The following GNAQ variants were observed in gnomAD, a reference collection of about 807,000 sequenced individuals.
The protein encoded by GNAQ is guanine nucleotide-binding protein G(q) subunit alpha.
A neutral mutation model predicts 43.9 loss-of-function variants in GNAQ; 8 were observed. That is an observed-to-expected ratio of 0.18 (90% CI 0.11 to 0.33). The LOEUF (loss-of-function observed/expected upper bound fraction) is 0.33, where lower values mean the gene tolerates loss of function less well. GNAQ is among the 10% of genes least tolerant of loss of function. GNAQ has a pLI of 1.00. For synonymous variants in GNAQ, 155 were observed against 170.7 expected (o/e 0.91, Z 0.71); for missense variants, 158 against 450.8 (o/e 0.35, Z 5.88).
At chr9:78,021,852 T>C (rs1269818050) in intron 1 of GNAQ, among the ~76,000 whole-genome samples, 2 of 152,246 alleles carry the variant, frequency 1.3e-5, no homozygotes, top group Non-Finnish European at 2.9e-5. Flanking sequence ...TGCTTGAGGA[T>C]ACGGAAGAAA....
chr9:77,963,311 T>TAACAGTAGA (rs1294662113), intron 1 of GNAQ, among the ~76,000 whole-genome samples: 1 of 152,106 alleles, frequency 6.6e-6, no homozygotes, highest in Non-Finnish European at 1.5e-5. Flanking sequence ...CACTGACAAT[T>TAACAGTAGA]AACAGTAGAA....
chr9:78,017,681 G>C (rs1823855915), intron 1 of GNAQ, among the ~76,000 whole-genome samples: 1 of 152,114 alleles, frequency 6.6e-6, no homozygotes, highest in Non-Finnish European at 1.5e-5. Context: ...GTTTTGGCTT[G>C]ATAGTAATTA....
At chr9:77,929,096 T>C (rs572546270) in intron 1 of GNAQ, among the ~76,000 whole-genome samples, 1 of 152,316 alleles carries the variant, frequency 6.6e-6, no homozygotes, top group South Asian at 2.1e-4. Context: ...CTAGCATCAG[T>C]ATAATTTGGA....
chr9:77,747,106 A>T (rs1343335399), intron 5 of GNAQ, among the ~76,000 whole-genome samples: 2 of 152,152 alleles, frequency 1.3e-5, no homozygotes, highest in African/African-American at 4.8e-5. Flanking sequence ...AAAATGGGGG[A>T]GGTAGAGTGG....
intron 2 of GNAQ, among the ~76,000 whole-genome samples, chr9:77,916,295 T>C (rs1828903184): frequency 6.6e-6 from 1 of 152,254 alleles, no homozygotes; most frequent in African/African-American, 2.4e-5. Flanking sequence ...ATTCTGCCTC[T>C]ATTATGTATT....
chr9:77,842,259 A>T (rs994170789), intron 2 of GNAQ, among the ~76,000 whole-genome samples: 11 of 152,204 alleles, frequency 7.2e-5, no homozygotes, highest in Admixed American at 7.2e-4. Context: ...TGGCATGGAA[A>T]CTACCACTTG....
chr9:77,817,615 T>C (rs529021289), intron 2 of GNAQ, among the ~76,000 whole-genome samples: 1 of 152,322 alleles, frequency 6.6e-6, no homozygotes, highest in African/African-American at 2.4e-5. Flanking sequence ...CATCTAGCCA[T>C]AAGCTGTATG....
chr9:77,864,491 T>C (rs1587372786), intron 2 of GNAQ, among the ~76,000 whole-genome samples: 1 of 152,144 alleles, frequency 6.6e-6, no homozygotes, highest in Admixed American at 6.5e-5. Context: ...TAATCACAAG[T>C]GTCCTTAAAG....
At chr9:77,822,117 A>C (rs1827127183) in intron 2 of GNAQ, among the ~76,000 whole-genome samples, 1 of 152,190 alleles carries the variant, frequency 6.6e-6, no homozygotes, top group African/African-American at 2.4e-5. Flanking sequence ...CCTTACCTAG[A>C]AAGGTGCTAT....
At chr9:77,738,515 C>A (rs1385172344) in intron 5 of GNAQ, among the ~76,000 whole-genome samples, 7 of 152,024 alleles carry the variant, frequency 4.6e-5, no homozygotes, top group Non-Finnish European at 1.0e-4. Context: ...TTGAATTGCC[C>A]ACATAAAACT....
rs139792373 is a variant in GNAQ at position 77,794,440 on chromosome 9, T to C, written c.735+23A>G. On this transcript the variant is annotated intron_variant, in intron 5 of 6. Transcript: ENST00000286548. The stretch of plus-strand genomic sequence containing the variant: ...TATCAGATAATAAAATGATAATCCA[T>C]TGCCTGTCTAAAGAACACTTACCTC... 1.3e-5 allele frequency: 20 copies of C among 1,526,996 alleles called. No homozygotes were observed. The African/African-American group carries it at 1.5e-4, about 12-fold the overall frequency. 94.6% of individuals were successfully genotyped at this position (1,526,996 alleles called of 1,614,324 possible). A position where few individuals can be genotyped will look rare whatever the true frequency, so the allele number is the denominator to read the frequency against.
rs189390659 is a variant in GNAQ at position 78,019,715 on chromosome 9, G to A, written c.136+11385C>T. ...AGATGGGTGGATCACCTGAGGTCAG[G>A]AGTTTGAGAGGAGCCTGACCAACAT... is the stretch of plus-strand genomic sequence containing the variant. On this transcript the variant is annotated intron_variant, in intron 1 of 6. Transcript: ENST00000286548. Among the ~76,000 whole-genome samples the A allele has an allele frequency of 2.6e-5, 4 of 152,194 alleles. No homozygotes were observed. The East Asian group carries it at 7.8e-4, about 29-fold the overall frequency.
At chr9:78,025,971 A>C (rs1381224449) in intron 1 of GNAQ, among the ~76,000 whole-genome samples, 2 of 152,214 alleles carry the variant, frequency 1.3e-5, no homozygotes, top group African/African-American at 2.4e-5. Context: ...CAGGTCCTAA[A>C]AAATTCATGG....
At chr9:78,018,676 CT>C (rs976526344) in intron 1 of GNAQ, among the ~76,000 whole-genome samples, 3 of 149,450 alleles carry the variant, frequency 2.0e-5, no homozygotes, top group Non-Finnish European at 3.0e-5. Flanking sequence ...CCTTACCAAA[CT>C]TTTTTTTTTA....
At chr9:77,976,693 G>A (rs1823307466) in intron 1 of GNAQ, among the ~76,000 whole-genome samples, 1 of 146,532 alleles carries the variant, frequency 6.8e-6, no homozygotes, top group Non-Finnish European at 1.5e-5. Context: ...CCCGGCCCAG[G>A]CTTGTTTTTT....
intron 1 of GNAQ, among the ~76,000 whole-genome samples, chr9:77,996,791 G>A (rs575961695): frequency 1.3e-5 from 2 of 151,480 alleles, no homozygotes; most frequent in African/African-American, 4.8e-5. Context: ...ATTTAATTTT[G>A]TAACCCTTAT....
At chr9:77,737,064 G>A (rs1287840826) in intron 5 of GNAQ, among the ~76,000 whole-genome samples, 2 of 152,034 alleles carry the variant, frequency 1.3e-5, no homozygotes, top group African/African-American at 2.4e-5. Context: ...TTTCTCATAA[G>A]GGTTACTTAC....
intron 1 of GNAQ, among the ~76,000 whole-genome samples, chr9:78,018,157 T>C (rs926821852): frequency 2.6e-5 from 4 of 151,036 alleles, no homozygotes; most frequent in South Asian, 4.2e-4. Flanking sequence ...AATGAAATCA[T>C]TGGGAGAAAC....
intron 2 of GNAQ, among the ~76,000 whole-genome samples, chr9:77,869,563 G>GAGAC (rs1416746751): frequency 6.6e-6 from 1 of 152,206 alleles, no homozygotes; most frequent in African/African-American, 2.4e-5. Flanking sequence ...GGACAGGAAT[G>GAGAC]AGACCTTCCT....
Sources: allele counts gnomAD v4.1 joint callset (sites outside exome capture counted in the v4.1 genomes callset), GRCh38; gene constraint gnomAD v4.1.1; transcripts MANE v1.5; gene names NCBI Gene and HGNC (gene_info 2026-07-23, HGNC 2026-07-21).